Variants in SFRP1 observed in about 807,000 individuals in gnomAD.
SFRP1 encodes the protein secreted frizzled-related protein 1.
A neutral mutation model predicts 25.9 loss-of-function variants in SFRP1; 9 were observed. The observed-to-expected ratio is 0.35, with a 90% CI of 0.21 to 0.61. SFRP1 has a LOEUF of 0.61. SFRP1 is among the 20% of genes least tolerant of loss of function. SFRP1 has a pLI of 0.78. For synonymous variants in SFRP1, 178 were observed against 174.0 expected (o/e 1.02, Z -0.18); for missense variants, 346 against 418.2 (o/e 0.83, Z 1.51).
At chr8:41,287,959 T>A (rs2117501791) in intron 2 of SFRP1, among the ~76,000 whole-genome samples, 1 of 152,272 alleles carries the variant, frequency 6.6e-6, no homozygotes, top group Non-Finnish European at 1.5e-5. Flanking sequence ...GCACTTTGTA[T>A]GCTGGACATG....
rs769911760 is a variant in SFRP1 at position 41,303,446 on chromosome 8, G to A, written c.622+15C>T. 2 of 1,609,080 alleles carry A rather than the reference G, an allele frequency of 1.2e-6. No individual in the cohort carries two copies. The highest frequency in any genetic ancestry group is 1.1e-5 in the South Asian group (1 of 90,956). On this transcript the variant is annotated intron_variant, in intron 2 of 2. Coordinates refer to ENST00000220772, the MANE Select transcript of SFRP1 (RefSeq NM_003012.5). ...GTTCCAAACCTTCCAGAGGCAGCTA[G>A]AAACGCTTTCTTACCAAACTCGCTG...
At chr8:41,304,528 C>T (rs530640974) in intron 1 of SFRP1, among the ~76,000 whole-genome samples, 1 of 152,282 alleles carries the variant, frequency 6.6e-6, no homozygotes, top group African/African-American at 2.4e-5. Flanking sequence ...GAGGCCAAGC[C>T]AGGCTGGAGC....
intron 1 of SFRP1, among the ~76,000 whole-genome samples, chr8:41,306,293 A>G (rs1188815775): frequency 6.6e-6 from 1 of 152,258 alleles, no homozygotes; most frequent in Non-Finnish European, 1.5e-5. Flanking sequence ...CAGTATGCAA[A>G]GATATGACAC....
Position 41,265,160 on chromosome 8 carries a change from G to A in SFRP1, c.*7C>T, listed in dbSNP as rs762403153. ...GAGGCTCCCTCCCCACCCTGCCCCC[G>A]GGAGAATCACTTAAACACGGACTGA... On this transcript the variant is annotated 3_prime_UTR_variant, in exon 3 of 3. Coordinates refer to ENST00000220772, the MANE Select transcript of SFRP1 (RefSeq NM_003012.5). The A allele has an allele frequency of 2.7e-4, 48 of 180,688 alleles. No individual in the cohort carries two copies. The highest frequency in any genetic ancestry group is 8.3e-4 in the South Asian group (14 of 16,862). 11.2% of individuals were successfully genotyped at this position (180,688 alleles called of 1,614,324 possible).
intron 2 of SFRP1, among the ~76,000 whole-genome samples, chr8:41,287,424 C>T (rs1320896297): frequency 6.6e-6 from 1 of 152,212 alleles, no homozygotes; most frequent in South Asian, 2.1e-4. Flanking sequence ...CTCGGAGGAA[C>T]GTCATGGAGA....
chr8:41,262,289 T>C lies in SFRP1; in HGVS notation c.*2878A>G, dbSNP rs1198323039. ...ATTCCCTGCAGGCTGCCTAGGGTGC[T>C]CTCCTCAAACAGATCACCTGAGCCT... On this transcript the variant is annotated 3_prime_UTR_variant, in exon 3 of 3. Transcript: ENST00000220772. 6.6e-6 allele frequency: 1 copy of C among 152,186 alleles called. No individual in the cohort carries two copies. Among genetic ancestry groups the C allele is most frequent in the Non-Finnish European group, 1.5e-5 (1 of 68,030 alleles). 9.4% of individuals were successfully genotyped at this position (152,186 alleles called of 1,614,324 possible). A position where few individuals can be genotyped will look rare whatever the true frequency, so the allele number is the denominator to read the frequency against.
intron 2 of SFRP1, among the ~76,000 whole-genome samples, chr8:41,298,817 A>C (rs1803875228): frequency 6.6e-6 from 1 of 152,156 alleles, no homozygotes; most frequent in South Asian, 2.1e-4. Flanking sequence ...AAAAAATTTT[A>C]AGTGGTACAG....
chr8:41,265,579 G>A, intron 2 of SFRP1, 90 bp from the exon 3 acceptor site: 1 of 852,464 alleles, frequency 1.2e-6, no homozygotes, highest in Non-Finnish European at 1.7e-6. Flanking sequence ...CAAAGTGATT[G>A]CATTTTATTA....
chr8:41,263,995 T>C lies in SFRP1; in HGVS notation c.*1172A>G, dbSNP rs185221501. On this transcript the variant is annotated 3_prime_UTR_variant, in exon 3 of 3. Coordinates refer to ENST00000220772, the MANE Select transcript of SFRP1 (RefSeq NM_003012.5). Reference sequence around the variant, plus strand: ...CTCTGTGAGTTTTGCTAGGGGGTGTTAGGTTCTAGGGCAACCACGGACTCT... The same window carrying C: ...CTCTGTGAGTTTTGCTAGGGGGTGTCAGGTTCTAGGGCAACCACGGACTCT... 3 of 152,218 alleles carry C rather than the reference T, an allele frequency of 2.0e-5. No individual in the cohort carries two copies. Among genetic ancestry groups the C allele is most frequent in the East Asian group, 1.9e-4 (1 of 5,180 alleles). 9.4% of individuals were successfully genotyped at this position (152,218 alleles called of 1,614,324 possible). A position where few individuals can be genotyped will look rare whatever the true frequency, so the allele number is the denominator to read the frequency against.
At chr8:41,296,802 TA>T (rs954078813) in intron 2 of SFRP1, among the ~76,000 whole-genome samples, 3 of 152,096 alleles carry the variant, frequency 2.0e-5, no homozygotes, top group African/African-American at 7.2e-5. Flanking sequence ...AGAGTGTTTC[TA>T]AAAAACACAC....
chr8:41,278,929 T>C (rs1803602494), intron 2 of SFRP1, among the ~76,000 whole-genome samples: 1 of 152,080 alleles, frequency 6.6e-6, no homozygotes, highest in East Asian at 1.9e-4. Flanking sequence ...GTTTGTCCTC[T>C]CTGAAGGAAG....
chr8:41,306,659 C>CG (rs1804001290), intron 1 of SFRP1: 3 of 1,559,250 alleles, frequency 1.9e-6, no homozygotes, highest in Admixed American at 3.6e-5. Context: ...GCCCCACTCC[C>CG]GACCGGCCCT....
At chr8:41,304,381 C>T (rs902021191) in intron 1 of SFRP1, among the ~76,000 whole-genome samples, 13 of 152,162 alleles carry the variant, frequency 8.5e-5, no homozygotes, top group African/African-American at 1.9e-4. Context: ...AGCAGGACGG[C>T]GCTTTCCTCC....
intron 2 of SFRP1, among the ~76,000 whole-genome samples, chr8:41,301,397 C>T (rs1803914137): frequency 6.6e-6 from 1 of 152,102 alleles, no homozygotes; most frequent in African/African-American, 2.4e-5. Context: ...AGGCTGCATT[C>T]TCTAAGGTGC....
At chr8:41,294,057 C>T (rs918005939) in intron 2 of SFRP1, among the ~76,000 whole-genome samples, 2 of 151,766 alleles carry the variant, frequency 1.3e-5, no homozygotes, top group Admixed American at 6.6e-5. Flanking sequence ...TTAAATGTGT[C>T]GAGGGCAGGA....
intron 2 of SFRP1, chr8:41,275,340 A>C (rs1803559397): frequency 3.1e-6 from 1 of 323,238 alleles, no homozygotes; most frequent in South Asian, 2.3e-5. Flanking sequence ...GTTAAAAAAA[A>C]AAAAAAAAAA....
At position 41,265,112 on chromosome 8, in the gene SFRP1, T is replaced by TCCCCCCCCCTCCCCCCCC; in HGVS notation, c.*54_*55insGGGGGGGGAGGGGGGGGG. On this transcript the variant is annotated 3_prime_UTR_variant, in exon 3 of 3. Coordinates refer to ENST00000220772, the MANE Select transcript of SFRP1 (RefSeq NM_003012.5). ...GACCCACCGGGTTCCCGGGGCACTG[T>TCCCCCCCCCTCCCCCCCC]CCCCCCCGCTCCCACCCCACCCGAG... 9.7e-6 allele frequency: 5 copies of TCCCCCCCCCTCCCCCCCC among 517,772 alleles called. No homozygotes were observed. Among genetic ancestry groups the TCCCCCCCCCTCCCCCCCC allele is most frequent in the East Asian group, 3.6e-5 (1 of 28,056 alleles). 32.1% of individuals were successfully genotyped at this position (517,772 alleles called of 1,614,324 possible). A position where few individuals can be genotyped will look rare whatever the true frequency, so the allele number is the denominator to read the frequency against.
At chr8:41,275,276 A>G in intron 2 of SFRP1, 1 of 409,744 alleles carries the variant, frequency 2.4e-6, no homozygotes, top group East Asian at 9.2e-5. Flanking sequence ...ATGGGGGCCT[A>G]GCCATCTGGG....
At chr8:41,278,312 G>A (rs1005570710) in intron 2 of SFRP1, among the ~76,000 whole-genome samples, 1 of 152,220 alleles carries the variant, frequency 6.6e-6, no homozygotes, top group Non-Finnish European at 1.5e-5. Flanking sequence ...GACCCCAAGT[G>A]GAGAGTCAGC....
Sources: allele counts gnomAD v4.1 joint callset (sites outside exome capture counted in the v4.1 genomes callset), GRCh38; gene constraint gnomAD v4.1.1; transcripts MANE v1.5; gene names NCBI Gene and HGNC (gene_info 2026-07-23, HGNC 2026-07-21).